YTHDF2: variants seen among roughly 807,000 people sequenced by gnomAD.
The protein encoded by YTHDF2 is YTH domain-containing family protein 2.
In YTHDF2, 2 loss-of-function variants were observed where a neutral mutation model predicts 50.4. The observed-to-expected ratio is 0.04, with a 90% CI of 0.02 to 0.12. The LOEUF (loss-of-function observed/expected upper bound fraction) is 0.12, where lower values mean the gene tolerates loss of function less well. YTHDF2 is among the 10% of genes least tolerant of loss of function. YTHDF2 has a pLI of 1.00. For missense variants in YTHDF2, 483 were observed against 722.6 expected, an observed-to-expected ratio of 0.67 and a Z score of 3.80; for synonymous variants, 217 against 255.6, an observed-to-expected ratio of 0.85 and a Z score of 1.44.
intron 3 of YTHDF2, 48 bp downstream of exon 3, chr1:28,738,386 C>A: frequency 7.2e-7 from 1 of 1,380,630 alleles, no homozygotes; most frequent in Non-Finnish European, 1.0e-6. Context: ...GTGGTATATT[C>A]TTTCTCCGCC....
At chr1:28,737,740 C>T (rs1157751142) in intron 2 of YTHDF2, 58 bp downstream of exon 2, 9 of 1,321,548 alleles carry the variant, frequency 6.8e-6, no homozygotes, top group Non-Finnish European at 9.6e-6. Context: ...GCGGTGGGGG[C>T]GGGGTCTCCG....
intron 4 of YTHDF2, among the ~76,000 whole-genome samples, chr1:28,751,090 C>CAAAAAAAAAAA (rs56916547): frequency 0.058 from 1,967 of 33,648 alleles, 452 homozygotes; most frequent in African/African-American, 0.072. Flanking sequence ...GAGACTGTCT[C>CAAAAAAAAAAA]AAAAAAAAAA....
At chr1:28,741,438 C>A (rs2087774866) in intron 3 of YTHDF2, among the ~76,000 whole-genome samples, 1 of 152,176 alleles carries the variant, frequency 6.6e-6, no homozygotes. Context: ...GCTGGGCCTA[C>A]AAGTGTGTGC....
At chr1:28,736,781 G>T (rs1456392896), upstream of YTHDF2, 1 of 318,800 alleles carries the variant, frequency 3.1e-6, no homozygotes, top group Non-Finnish European at 5.8e-6. Flanking sequence ...CCTTCCCGGG[G>T]TTCTTCGCGC....
intron 4 of YTHDF2, among the ~76,000 whole-genome samples, chr1:28,747,185 T>A (rs188095865): frequency 2.3e-3 from 349 of 152,336 alleles, no homozygotes; most frequent in African/African-American, 7.7e-3. Context: ...TAAGATTCGT[T>A]TGTTGGAATT....
At chr1:28,737,407 T>G in intron 1 of YTHDF2, 1 of 629,268 alleles carries the variant, frequency 1.6e-6, no homozygotes, top group Non-Finnish European at 2.6e-6. Flanking sequence ...CTTCCTTGTT[T>G]CCTTCCCCTT....
rs1169758397 is a variant in YTHDF2, at chr1:28,743,696, G to T, written c.1426G>T (p.Ala476Ser). 6.2e-7 allele frequency: 1 copy of T among 1,614,208 alleles called. No homozygotes were observed. The highest frequency in any genetic ancestry group is 1.1e-5 in the South Asian group (1 of 91,086). ...HFCGVAEMKSAVDYNTCAGVW... is the reference protein window; with the variant it reads ...HFCGVAEMKSSVDYNTCAGVW... ...CTGTGGCGTGGCAGAAATGAAATCT[G>T]CTGTGGACTACAACACATGTGCAGG... is the stretch of plus-strand genomic sequence containing the variant. Residue 476 changes from alanine to serine, a missense_variant, in exon 4 of 5, where the codon GCT becomes TCT. Ala to Ser is a moderately conservative substitution (Grantham distance 99). Around this residue, in one of 4 missense-constraint regions of YTHDF2, gnomAD observed 59 missense variants for 168.9 expected, o/e 0.35. Transcript: ENST00000373812. This position sits in a 1 kb window ranked among gnomAD's most constrained non-coding sequence, Gnocchi z 6.9.
At chr1:28,765,914 A>G (rs2088209295) in intron 4 of YTHDF2, among the ~76,000 whole-genome samples, 1 of 152,220 alleles carries the variant, frequency 6.6e-6, no homozygotes, top group South Asian at 2.1e-4. Flanking sequence ...CCAAGAACAA[A>G]GACATGCAGT....
chr1:28,763,599 G>T (rs1231206191), intron 4 of YTHDF2, among the ~76,000 whole-genome samples: 1 of 152,132 alleles, frequency 6.6e-6, no homozygotes, highest in Non-Finnish European at 1.5e-5. Flanking sequence ...GGGACTACAG[G>T]TGTGTGCCAC....
rs189301765 is a variant in YTHDF2, at chr1:28,740,767, G to T, written c.133-1636G>T. On this transcript the variant is annotated intron_variant, in intron 3 of 4. Coordinates refer to ENST00000373812, the MANE Select transcript of YTHDF2 (RefSeq NM_016258.3). Reference sequence around the variant, plus strand: ...CACCCAGGCTGTAGTGCAGTGGTGCGATCTCGGCTCACTGCAACCTTCACC... The same window carrying T: ...CACCCAGGCTGTAGTGCAGTGGTGCTATCTCGGCTCACTGCAACCTTCACC... Among the ~76,000 whole-genome samples, 545 of 149,604 alleles carry T rather than the reference G, an allele frequency of 3.6e-3. 7 individuals carry two copies. Among genetic ancestry groups the T allele is most frequent in the African/African-American group, 0.013 (521 of 40,556 alleles).
chr1:28,749,134 A>T (rs1020230418), intron 4 of YTHDF2, among the ~76,000 whole-genome samples: 1 of 149,232 alleles, frequency 6.7e-6, no homozygotes, highest in African/African-American at 2.5e-5. Flanking sequence ...TCATTGTGCA[A>T]CTGTTATCTA....
intron 4 of YTHDF2, among the ~76,000 whole-genome samples, chr1:28,755,981 G>A (rs532866907): frequency 6.6e-5 from 10 of 152,188 alleles, no homozygotes; most frequent in Non-Finnish European, 1.5e-4. Context: ...AGGCTGCAGA[G>A]AGGTAACAGA....
intron 4 of YTHDF2, among the ~76,000 whole-genome samples, chr1:28,768,722 A>G (rs542105043): frequency 1.3e-5 from 2 of 152,218 alleles, no homozygotes; most frequent in Non-Finnish European, 2.9e-5. Flanking sequence ...TTTTCAAGTC[A>G]AAAGTAATTT....
intron 4 of YTHDF2, among the ~76,000 whole-genome samples, chr1:28,759,307 G>A (rs908524751): frequency 3.9e-5 from 6 of 152,162 alleles, no homozygotes; most frequent in Admixed American, 1.3e-4. Flanking sequence ...CATATCTGCC[G>A]CTGTCACCAA....
intron 3 of YTHDF2, among the ~76,000 whole-genome samples, chr1:28,739,862 G>A (rs372007459): frequency 1.3e-5 from 2 of 152,276 alleles, no homozygotes; most frequent in African/African-American, 2.4e-5. Context: ...TCCAAAGACA[G>A]TTACACTGTT....
rs1375816254 is a variant in YTHDF2 at position 28,736,988 on chromosome 1, C to A, written c.-133C>A. 2.6e-6 allele frequency: 3 copies of A among 1,165,710 alleles called. No homozygotes were observed. Among genetic ancestry groups the A allele is most frequent in the Non-Finnish European group, 3.6e-6 (3 of 829,862 alleles). The allele number at this position is 1,165,710 out of a possible 1,614,324, so 72.2% of individuals were successfully genotyped here. A position where few individuals can be genotyped will look rare whatever the true frequency, so the allele number is the denominator to read the frequency against. ...GAGCCTGAGCCGCGCGCTGTGTCTC[C>A]GCTGCGTCCGCCGAGGCCCCCGAGT... On this transcript the variant is annotated 5_prime_UTR_variant, in exon 1 of 5. Transcript: ENST00000373812.
At chr1:28,761,862 T>C (rs2088138809) in intron 4 of YTHDF2, among the ~76,000 whole-genome samples, 4 of 152,138 alleles carry the variant, frequency 2.6e-5, no homozygotes, top group Admixed American at 2.0e-4. Flanking sequence ...TAATAAAATA[T>C]TATAGCCTTG....
At chr1:28,763,508 T>TGCAGATC (rs1457787947) in intron 4 of YTHDF2, among the ~76,000 whole-genome samples, 9 of 152,130 alleles carry the variant, frequency 5.9e-5, no homozygotes, top group Non-Finnish European at 1.3e-4. Flanking sequence ...CAGGCTGGAG[T>TGCAGATC]GCAGTGGTGC....
intron 4 of YTHDF2, among the ~76,000 whole-genome samples, chr1:28,761,460 G>A (rs1473965512): frequency 1.3e-5 from 2 of 152,160 alleles, no homozygotes; most frequent in African/African-American, 4.8e-5. Flanking sequence ...ATTTCTGGCT[G>A]GTGCGGTGGC....
Sources: gnomAD v4.1 joint callset for allele counts (sites outside exome capture counted in the v4.1 genomes callset) on GRCh38, gnomAD v4.1.1 for gene constraint, gnomAD v4.1.1 regional missense constraint, Gnocchi (gnomAD v3.1) non-coding constraint, MANE v1.5 for transcripts, NCBI Gene and HGNC (gene_info 2026-07-23, HGNC 2026-07-21) for gene names.